SLC28A3: variants seen among roughly 807,000 people sequenced by gnomAD.
The protein encoded by SLC28A3 is concentrative Na(+)-nucleoside cotransporter 3.
In SLC28A3, 68 loss-of-function variants were observed where a neutral mutation model predicts 84.2. That is an observed-to-expected ratio of 0.81 (90% CI 0.66 to 0.99). The LOEUF is 0.99. SLC28A3 is among the 50% of genes least tolerant of loss of function. The probability of loss-of-function intolerance (pLI) is 0.00; values close to 1 mark genes in which losing one functional copy is unlikely to be tolerated. For synonymous variants in SLC28A3, 267 were observed against 303.6 expected, an observed-to-expected ratio of 0.88 and a Z score of 1.25; for missense variants, 712 against 841.5, an observed-to-expected ratio of 0.85 and a Z score of 1.90.
At chr9:84,360,544 A>T in the SLC28A3 span, among the ~76,000 whole-genome samples, 6 of 152,042 alleles carry the variant, frequency 3.9e-5, no homozygotes, top group Non-Finnish European at 7.4e-5. Flanking sequence ...AGATATGTAG[A>T]GTGAACAAGA....
the SLC28A3 span, among the ~76,000 whole-genome samples, chr9:84,364,320 G>T: frequency 8.6e-5 from 13 of 151,814 alleles, no homozygotes; most frequent in Non-Finnish European, 1.5e-4. Flanking sequence ...ATGGGGTTTC[G>T]CCGTGTTGGC....
Position 84,299,735 on chromosome 9 carries a change from G to A in SLC28A3, c.525-10C>T. On this transcript the variant is annotated splice_polypyrimidine_tract_variant and intron_variant, in intron 5 of 17. Transcript: ENST00000376238. ...GGAGCTCCAGATCACCCTAAGAGAAGGGGAAAGGAGGCATTGGCATCATTT... is the reference window on the plus strand; with the variant it reads ...GGAGCTCCAGATCACCCTAAGAGAAAGGGAAAGGAGGCATTGGCATCATTT... 6.4e-7 allele frequency: 1 copy of A among 1,566,530 alleles called. No homozygotes were observed.
chr9:84,335,802 A>G (rs912325225), intron 1 of SLC28A3, among the ~76,000 whole-genome samples: 7 of 152,048 alleles, frequency 4.6e-5, no homozygotes, highest in African/African-American at 1.4e-4. Flanking sequence ...CAACAATCCC[A>G]AGATAGGTAC....
Position 84,302,290 on chromosome 9 carries a change from T to C in SLC28A3, c.434A>G (p.Asp145Gly). The C allele has an allele frequency of 6.2e-7, 1 of 1,614,086 alleles. No individual in the cohort carries two copies. The highest frequency in any genetic ancestry group is 8.5e-7 in the Non-Finnish European group (1 of 1,180,016). ...ATGTTCGTATTTGGCCATCAGGTGA[T>C]CCCAGACAACAAAGAAGATGGCAGC... ...TVAAIFFVVWDHLMAKYEHRI... is the reference protein window; with the variant it reads ...TVAAIFFVVWGHLMAKYEHRI... Residue 145 changes from aspartate (D) to glycine (G), a missense_variant, in exon 5 of 18, where the codon GAT (aspartate) becomes GGT (glycine). Coordinates refer to ENST00000376238, the MANE Select transcript of SLC28A3 (RefSeq NM_001199633.2).
rs1393767192 is a variant in SLC28A3 at position 84,277,181 on chromosome 9, T to C, written c.*1037A>G. The C allele has an allele frequency of 1.3e-5, 2 of 152,238 alleles. No individual in the cohort carries two copies. The highest frequency in any genetic ancestry group is 2.9e-5 in the Non-Finnish European group (2 of 68,040). 9.4% of individuals were successfully genotyped at this position (152,238 alleles called of 1,614,324 possible). A position where few individuals can be genotyped will look rare whatever the true frequency, so the allele number is the denominator to read the frequency against. ...GTCACCAGGAATACATTACCAAATG[T>C]GCAGATGAATAGGCCTACCGTTATG... is the stretch of plus-strand genomic sequence containing the variant. On this transcript the variant is annotated 3_prime_UTR_variant, in exon 18 of 18. Coordinates refer to ENST00000376238, the MANE Select transcript of SLC28A3 (RefSeq NM_001199633.2).
chr9:84,311,044 C>T (rs371577556), intron 2 of SLC28A3, among the ~76,000 whole-genome samples: 13 of 152,200 alleles, frequency 8.5e-5, no homozygotes, highest in Non-Finnish European at 1.5e-4. Flanking sequence ...ACATCTGCAC[C>T]GCTCTTTCCT....
At chr9:84,332,732 A>G (rs75605941) in intron 1 of SLC28A3, among the ~76,000 whole-genome samples, 3,761 of 151,802 alleles carry the variant, frequency 0.025, 147 homozygotes, top group East Asian at 0.1. Flanking sequence ...ACTTGTTCGA[A>G]AAAAAAATCT....
chr9:84,284,363 T>G (rs571465164), intron 14 of SLC28A3, among the ~76,000 whole-genome samples: 1 of 152,258 alleles, frequency 6.6e-6, no homozygotes, highest in African/African-American at 2.4e-5. Context: ...CTGTAAAATA[T>G]AAATCAGTGC....
intron 1 of SLC28A3, among the ~76,000 whole-genome samples, chr9:84,326,959 G>T (rs572307338): frequency 6.6e-6 from 1 of 152,158 alleles, no homozygotes; most frequent in Non-Finnish European, 1.5e-5. Context: ...AGCCAAGATA[G>T]ATCATGCCAC....
At position 84,340,670 on chromosome 9, in the gene SLC28A3, C is replaced by G. The variant is rs747541466; in HGVS notation, c.-37G>C. 1.2e-6 allele frequency: 2 copies of G among 1,612,948 alleles called. No individual in the cohort carries two copies. Among genetic ancestry groups the G allele is most frequent in the South Asian group, 2.2e-5 (2 of 91,018 alleles). On this transcript the variant is annotated 5_prime_UTR_variant, in exon 1 of 18. Coordinates refer to ENST00000376238, the MANE Select transcript of SLC28A3 (RefSeq NM_001199633.2). ...TGCTGGCTGGCTCTGGTCTGGAGGT[C>G]CTTTGTACCTGGGAAAAAGCACCAG...
chr9:84,291,443 T>G (rs1219270709), intron 10 of SLC28A3, among the ~76,000 whole-genome samples: 2 of 152,168 alleles, frequency 1.3e-5, no homozygotes, highest in African/African-American at 4.8e-5. Flanking sequence ...TTCAAGCAAT[T>G]CTCCTGCCTC....
intron 1 of SLC28A3, among the ~76,000 whole-genome samples, chr9:84,321,942 C>T (rs1387089266): frequency 6.6e-6 from 1 of 152,000 alleles, no homozygotes; most frequent in African/African-American, 2.4e-5. Flanking sequence ...CACAGCTACT[C>T]AGGAGGCTGA....
the SLC28A3 span, among the ~76,000 whole-genome samples, chr9:84,352,890 C>T: frequency 6.5e-4 from 37 of 57,320 alleles, 1 homozygote; most frequent in Non-Finnish European, 7.0e-4. Context: ...GAGATTCTGT[C>T]TCAAAAAAAA....
At chr9:84,305,496 A>T (rs933056309) in intron 3 of SLC28A3, 151 bp from the exon 4 acceptor site, 1 of 693,720 alleles carries the variant, frequency 1.4e-6, no homozygotes, top group Non-Finnish European at 2.5e-6. Context: ...TGGGAAACTC[A>T]TTTCATTTTA....
At chr9:84,283,168 G>C (rs567339647) in intron 14 of SLC28A3, among the ~76,000 whole-genome samples, 1 of 152,362 alleles carries the variant, frequency 6.6e-6, no homozygotes, top group South Asian at 2.1e-4. Flanking sequence ...TGGCCATGAT[G>C]GGTTTTAGAA....
At chr9:84,278,708 T>G (rs1028903324) in intron 17 of SLC28A3, among the ~76,000 whole-genome samples, 6 of 152,106 alleles carry the variant, frequency 3.9e-5, no homozygotes, top group Admixed American at 2.6e-4. Context: ...CCATAGACGA[T>G]CATCGTGTTG....
In SLC28A3 at chr9:84,290,158, A is replaced by G. The variant is rs1395791957; in HGVS notation, c.1145T>C (p.Phe382Ser). ...ATAATTCCAAAACATTCTTACCCCA[A>G]AAGAAATGTATGCACCTAGCACGCT... is the stretch of plus-strand genomic sequence containing the variant. ...AGSVLGAYISFGVPSSHLLTA... is the reference protein window; with the variant it reads ...AGSVLGAYISSGVPSSHLLTA... Residue 382 changes from phenylalanine (F) to serine (S), a missense_variant, in exon 11 of 18, where the codon TTT becomes TCT. Phe to Ser is a radical substitution (Grantham distance 155, BLOSUM62 -2). Coordinates refer to ENST00000376238, the MANE Select transcript of SLC28A3 (RefSeq NM_001199633.2). The G allele has an allele frequency of 1.9e-6, 3 of 1,613,624 alleles. No homozygotes were observed. Among genetic ancestry groups the G allele is most frequent in the Admixed American group, 1.7e-5 (1 of 59,972 alleles).
At chr9:84,325,443 C>G (rs560222649) in intron 1 of SLC28A3, among the ~76,000 whole-genome samples, 1 of 152,130 alleles carries the variant, frequency 6.6e-6, no homozygotes, top group Non-Finnish European at 1.5e-5. Flanking sequence ...TTGAAATGTT[C>G]GGAAGATGGA....
At chr9:84,301,369 A>AAAAAAAAAAAAAAAAAAAAAAAAAG (rs753889714) in intron 5 of SLC28A3, among the ~76,000 whole-genome samples, 1 of 132,410 alleles carries the variant, frequency 7.6e-6, no homozygotes, top group African/African-American at 3.1e-5. Context: ...AAAAAAAAAA[A>AAAAAAAAAAAAAAAAAAAAAAAAAG]AAAAAGAAAA....
Sources: gnomAD v4.1 joint callset for allele counts (sites outside exome capture counted in the v4.1 genomes callset) on GRCh38, gnomAD v4.1.1 for gene constraint, MANE v1.5 for transcripts, NCBI Gene and HGNC (gene_info 2026-07-23, HGNC 2026-07-21) for gene names.